The following KCNH1 variants were observed in gnomAD, a reference collection of about 807,000 sequenced individuals.
KCNH1 encodes potassium voltage-gated channel subfamily H member 1, also known as voltage-gated delayed rectifier potassium channel KCNH1.
A neutral mutation model predicts 69.2 loss-of-function variants in KCNH1; 27 were observed. That is an observed-to-expected ratio of 0.39 (90% CI 0.29 to 0.54). KCNH1 has a LOEUF of 0.54. Among genes scored for constraint, KCNH1 ranks in the 20% least tolerant of loss-of-function variants. KCNH1 has a pLI of 0.68. For synonymous variants in KCNH1, 456 were observed against 487.7 expected (o/e 0.93, Z 0.86); for missense variants, 798 against 1,261.6 (o/e 0.63, Z 5.57).
rs557353647 is a variant in KCNH1 at position 210,753,474 on chromosome 1, C to T, written c.2112+21874G>A. 6.6e-5 allele frequency among the ~76,000 whole-genome samples: 10 copies of T among 152,304 alleles called. No homozygotes were observed. In the East Asian group the frequency reaches 7.7e-4, roughly 12 times the overall value. On this transcript the variant is annotated intron_variant, in intron 10 of 10. Coordinates refer to ENST00000271751, the MANE Select transcript of KCNH1 (RefSeq NM_172362.3). ...CCCAGCTTCCCCATGGGGTTGTCCT[C>T]GGCTTTGGTGAGGGGAAGAAGCAGG...
intron 10 of KCNH1, among the ~76,000 whole-genome samples, chr1:210,773,801 T>C (rs1683799944): frequency 6.6e-6 from 1 of 152,232 alleles, no homozygotes; most frequent in African/African-American, 2.4e-5. Flanking sequence ...TGTTAATCTT[T>C]TCCATTAGAC....
intron 1 of KCNH1, among the ~76,000 whole-genome samples, chr1:211,110,026 A>C (rs1691429219): frequency 6.6e-6 from 1 of 150,862 alleles, no homozygotes; most frequent in African/African-American, 2.5e-5. Flanking sequence ...GAAACAGAGA[A>C]GAAAAAAAAA....
At chr1:210,857,061 G>C (rs1332241499) in intron 7 of KCNH1, among the ~76,000 whole-genome samples, 2 of 151,246 alleles carry the variant, frequency 1.3e-5, no homozygotes, top group Non-Finnish European at 2.9e-5. Flanking sequence ...GAAATACAAA[G>C]CCATGAGCCT....
rs575025177 is a variant in KCNH1 at position 211,081,495 on chromosome 1, G to T, written c.558+1285C>A. ...ATATACCCAAAGGATTATAAATCATGCTACTATAAAGACACATGCACACGT... is the reference window on the plus strand; with the variant it reads ...ATATACCCAAAGGATTATAAATCATTCTACTATAAAGACACATGCACACGT... On this transcript the variant is annotated intron_variant, in intron 5 of 10. Transcript: ENST00000271751. Among the ~76,000 whole-genome samples, 5 of 152,290 alleles carry T rather than the reference G, an allele frequency of 3.3e-5. No homozygotes were observed. The East Asian group carries it at 7.7e-4, about 23-fold the overall frequency.
chr1:210,724,002 A>T (rs1465350578), intron 10 of KCNH1, among the ~76,000 whole-genome samples: 1 of 152,172 alleles, frequency 6.6e-6, no homozygotes, highest in African/African-American at 2.4e-5. Context: ...GGCCTGTGTC[A>T]TTCAAGGTTA....
At chr1:211,022,471 A>C (rs1437592184) in intron 5 of KCNH1, among the ~76,000 whole-genome samples, 1 of 152,208 alleles carries the variant, frequency 6.6e-6, no homozygotes, top group Non-Finnish European at 1.5e-5. Flanking sequence ...AAAATAGCCA[A>C]ATAGGATTAT....
chr1:210,853,288 G>T (rs545040057), intron 7 of KCNH1, among the ~76,000 whole-genome samples: 46 of 152,252 alleles, frequency 3.0e-4, no homozygotes, highest in African/African-American at 9.6e-4. Context: ...AAAGCCCCTT[G>T]CCCATGGTAT....
chr1:210,829,225 A>T (rs1380954267), intron 7 of KCNH1, among the ~76,000 whole-genome samples: 1 of 152,194 alleles, frequency 6.6e-6, no homozygotes. Context: ...TTATCCTTCT[A>T]AGAAGGCATT....
chr1:210,876,124 T>G (rs1326792848), intron 7 of KCNH1, among the ~76,000 whole-genome samples: 1 of 152,176 alleles, frequency 6.6e-6, no homozygotes, highest in Non-Finnish European at 1.5e-5. Flanking sequence ...CACTTAAACT[T>G]ATTTGAAAAT....
intron 5 of KCNH1, among the ~76,000 whole-genome samples, chr1:211,071,464 C>T (rs1002741032): frequency 6.6e-6 from 1 of 152,110 alleles, no homozygotes; most frequent in Non-Finnish European, 1.5e-5. Flanking sequence ...TGGACACTCA[C>T]GATACTTGAG....
intron 3 of KCNH1, among the ~76,000 whole-genome samples, chr1:211,096,869 A>G (rs1433084823): frequency 6.6e-6 from 1 of 152,240 alleles, no homozygotes; most frequent in Admixed American, 6.5e-5. Context: ...TATAGTAATT[A>G]AGAGTCACTG....
intron 3 of KCNH1, among the ~76,000 whole-genome samples, chr1:211,095,599 A>T (rs143247427): frequency 2.0e-3 from 306 of 152,220 alleles, no homozygotes; most frequent in African/African-American, 7.1e-3. Context: ...TCTTTTTTCT[A>T]CCCTGGGCTT....
chr1:210,770,984 G>A (rs775046069), intron 10 of KCNH1, among the ~76,000 whole-genome samples: 3 of 152,182 alleles, frequency 2.0e-5, no homozygotes, highest in African/African-American at 4.8e-5. Flanking sequence ...ATTCCATTGA[G>A]AAATGGGAAT....
At chr1:210,987,924 G>A (rs1331754709) in intron 6 of KCNH1, among the ~76,000 whole-genome samples, 1 of 152,212 alleles carries the variant, frequency 6.6e-6, no homozygotes, top group Non-Finnish European at 1.5e-5. Context: ...GCTGTAGTGG[G>A]CTCCACCAAG....
intron 10 of KCNH1, among the ~76,000 whole-genome samples, chr1:210,746,568 T>C (rs942593776): frequency 8.8e-6 from 1 of 114,202 alleles, no homozygotes; most frequent in Non-Finnish European, 1.9e-5. Flanking sequence ...TTTCTTTCTT[T>C]CTTTTTTTTT....
intron 10 of KCNH1, among the ~76,000 whole-genome samples, chr1:210,769,269 A>G (rs571881639): frequency 3.9e-5 from 6 of 152,322 alleles, no homozygotes; most frequent in African/African-American, 1.4e-4. Flanking sequence ...AAGCTTTCCA[A>G]TGCCACTTAT....
chr1:210,708,055 C>CTAA (rs1681957909), intron 10 of KCNH1, among the ~76,000 whole-genome samples: 1 of 152,172 alleles, frequency 6.6e-6, no homozygotes, highest in Non-Finnish European at 1.5e-5. Flanking sequence ...CACAGCTCAT[C>CTAA]ACATGGAGCA....
intron 5 of KCNH1, among the ~76,000 whole-genome samples, chr1:211,058,382 T>A (rs1217745411): frequency 6.6e-6 from 1 of 152,014 alleles, no homozygotes; most frequent in African/African-American, 2.4e-5. Context: ...GTTGAACCAA[T>A]AAAAAATGGT....
intron 10 of KCNH1, among the ~76,000 whole-genome samples, chr1:210,766,143 T>C (rs1683625915): frequency 6.6e-6 from 1 of 152,182 alleles, no homozygotes; most frequent in Non-Finnish European, 1.5e-5. Context: ...GATTTGTATA[T>C]TTTTGTTGGT....
Sources: gnomAD v4.1 joint callset for allele counts (sites outside exome capture counted in the v4.1 genomes callset) on GRCh38, gnomAD v4.1.1 for gene constraint, MANE v1.5 for transcripts, NCBI Gene and HGNC (gene_info 2026-07-23, HGNC 2026-07-21) for gene names.